Variants in KPNA3 observed in about 807,000 individuals in gnomAD.
KPNA3 encodes importin subunit alpha-4.
KPNA3 carries 13 observed loss-of-function variants against 73.8 expected under a neutral mutation model. That is an observed-to-expected ratio of 0.18 (90% confidence interval 0.11 to 0.28). The LOEUF is 0.28. Among genes scored for constraint, KPNA3 ranks in the 10% least tolerant of loss-of-function variants. The pLI is 1.00. For missense variants in KPNA3, 360 were observed against 618.1 expected (o/e 0.58, Z 4.43); for synonymous variants, 186 against 206.9 (o/e 0.90, Z 0.87).
chr13:49,754,326 C>T (rs922887297), intron 1 of KPNA3, among the ~76,000 whole-genome samples: 4 of 151,934 alleles, frequency 2.6e-5, no homozygotes, highest in Non-Finnish European at 5.9e-5. Flanking sequence ...AAAAAAACAA[C>T]TAAGTGTATT....
chr13:49,700,059 GC>G lies in KPNA3; in HGVS notation c.*1740del, dbSNP rs1954133567. On this transcript the variant is annotated 3_prime_UTR_variant, in exon 17 of 17. Coordinates refer to ENST00000261667, the MANE Select transcript of KPNA3 (RefSeq NM_002267.4). Reference sequence around the variant, plus strand: ...TTATAAAACCTATAAATAATCAGAGGCCAAACCACTATATTAAAACAGATTC... The same window carrying G: ...TTATAAAACCTATAAATAATCAGAGGCAAACCACTATATTAAAACAGATTC... 6.6e-6 allele frequency: 1 copy of G among 152,484 alleles called. No individual in the cohort carries two copies. The highest frequency in any genetic ancestry group is 2.1e-4 in the South Asian group (1 of 4,814). 9.4% of individuals were successfully genotyped at this position (152,484 alleles called of 1,614,324 possible).
In KPNA3 at chr13:49,786,590, T is replaced by C. The variant is rs187598487; in HGVS notation, c.69+5848A>G. 6.5e-4 allele frequency among the ~76,000 whole-genome samples: 99 copies of C among 152,246 alleles called. 1 individual carries two copies. The East Asian group carries it at 7.9e-3, about 12-fold the overall frequency. On this transcript the variant is annotated intron_variant, in intron 1 of 16. Transcript: ENST00000261667. ...ATATGAAGGAGTCTCACTGAAGAGA[T>C]AGGTTGCCAGAGTGAACCCCAACTC...
At chr13:49,728,031 C>T (rs1054502701) in intron 6 of KPNA3, among the ~76,000 whole-genome samples, 6 of 151,870 alleles carry the variant, frequency 4.0e-5, no homozygotes, top group Non-Finnish European at 7.4e-5. Context: ...GTAAGGAGAT[C>T]GAGACCATCC....
chr13:49,751,580 T>A (rs1417809710), intron 1 of KPNA3, among the ~76,000 whole-genome samples: 1 of 152,160 alleles, frequency 6.6e-6, no homozygotes, highest in Non-Finnish European at 1.5e-5. Context: ...ACAAAAAATG[T>A]CATCAGAATA....
At chr13:49,787,258 C>A (rs541412102) in intron 1 of KPNA3, among the ~76,000 whole-genome samples, 2 of 152,090 alleles carry the variant, frequency 1.3e-5, no homozygotes, top group African/African-American at 4.8e-5. Flanking sequence ...AACCAACTGG[C>A]TCCTTGCTGA....
chr13:49,731,888 A>G (rs1399890075), intron 6 of KPNA3, among the ~76,000 whole-genome samples: 1 of 152,208 alleles, frequency 6.6e-6, no homozygotes, highest in Non-Finnish European at 1.5e-5. Context: ...AAAGTCTGAC[A>G]TTGGACAACT....
At chr13:49,721,389 C>T (rs950487837) in intron 9 of KPNA3, among the ~76,000 whole-genome samples, 4 of 152,140 alleles carry the variant, frequency 2.6e-5, no homozygotes, top group African/African-American at 9.7e-5. Context: ...ATTTTTCTCT[C>T]TGAATTTTTA....
Position 49,699,934 on chromosome 13 carries a change from T to A in KPNA3, c.*1866A>T, listed in dbSNP as rs1016209995. ...TACCATATGAAGCTTTAACTCAAAATTTGGATAAAGAAAAAAAGGCACAAT... is the reference window on the plus strand; with the variant it reads ...TACCATATGAAGCTTTAACTCAAAAATTGGATAAAGAAAAAAAGGCACAAT... On this transcript the variant is annotated 3_prime_UTR_variant, in exon 17 of 17. Coordinates refer to ENST00000261667, the MANE Select transcript of KPNA3 (RefSeq NM_002267.4). 2 of 152,520 alleles carry A rather than the reference T, an allele frequency of 1.3e-5. No individual in the cohort carries two copies. The highest frequency in any genetic ancestry group is 4.8e-5 in the African/African-American group (2 of 41,426). 9.4% of individuals were successfully genotyped at this position (152,520 alleles called of 1,614,324 possible).
At chr13:49,751,337 G>A (rs943649338) in intron 1 of KPNA3, among the ~76,000 whole-genome samples, 14 of 152,086 alleles carry the variant, frequency 9.2e-5, no homozygotes, top group Non-Finnish European at 4.4e-5. Flanking sequence ...AATCAAACAA[G>A]TCAACCAGAA....
At chr13:49,741,279 A>G (rs1954571304) in intron 2 of KPNA3, among the ~76,000 whole-genome samples, 2 of 152,096 alleles carry the variant, frequency 1.3e-5, no homozygotes, top group Admixed American at 6.6e-5. Flanking sequence ...CCTTTTCTCC[A>G]CATCCTCACC....
chr13:49,742,738 A>C (rs936675925), intron 2 of KPNA3, among the ~76,000 whole-genome samples: 2 of 152,116 alleles, frequency 1.3e-5, no homozygotes, highest in Non-Finnish European at 2.9e-5. Flanking sequence ...CAAATCCGTG[A>C]ACATGGGATA....
intron 7 of KPNA3, among the ~76,000 whole-genome samples, chr13:49,724,361 C>T (rs574089580): frequency 1.2e-3 from 177 of 151,044 alleles, no homozygotes; most frequent in African/African-American, 3.9e-3. Flanking sequence ...TGGAGTGCAG[C>T]GGCACGATCT....
At chr13:49,704,234 CAA>C (rs1189846876) in intron 15 of KPNA3, among the ~76,000 whole-genome samples, 2 of 151,932 alleles carry the variant, frequency 1.3e-5, no homozygotes. Context: ...CCAGCCTGAC[CAA>C]CACGGAGAAA....
intron 1 of KPNA3, 57 bp downstream of exon 1, chr13:49,792,381 C>T (rs1955041833): frequency 7.5e-7 from 1 of 1,330,862 alleles, no homozygotes; most frequent in Non-Finnish European, 1.0e-6. Context: ...CCCCGCCCCT[C>T]CCCGCGTCGC....
intron 10 of KPNA3, among the ~76,000 whole-genome samples, chr13:49,715,077 T>C (rs1212767966): frequency 6.6e-6 from 1 of 152,018 alleles, no homozygotes; most frequent in Non-Finnish European, 1.5e-5. Context: ...ATTACATTTT[T>C]TCAGTGTCCT....
At chr13:49,734,819 G>A (rs1332724869) in intron 2 of KPNA3, among the ~76,000 whole-genome samples, 1 of 151,712 alleles carries the variant, frequency 6.6e-6, no homozygotes, top group Non-Finnish European at 1.5e-5. Flanking sequence ...CTCTTCTTGT[G>A]TTTATTCATT....
chr13:49,788,298 A>G (rs1186617054), intron 1 of KPNA3, among the ~76,000 whole-genome samples: 1 of 152,250 alleles, frequency 6.6e-6, no homozygotes, highest in African/African-American at 2.4e-5. Flanking sequence ...CAGTTACCTG[A>G]GCATTTGTTT....
intron 1 of KPNA3, among the ~76,000 whole-genome samples, chr13:49,763,460 T>G (rs1463291434): frequency 6.6e-6 from 1 of 152,174 alleles, no homozygotes; most frequent in Admixed American, 6.5e-5. Context: ...TGGGTTCCTC[T>G]GGACAGAAGC....
In KPNA3 at chr13:49,786,853, G is replaced by C. The variant is rs143294948; in HGVS notation, c.69+5585C>G. On this transcript the variant is annotated intron_variant, in intron 1 of 16. Transcript: ENST00000261667. The stretch of plus-strand genomic sequence containing the variant: ...AGGAAAGTAACACAGAAAGATATGA[G>C]AAAGATCAATCCACAAGATACACTG... Among the ~76,000 whole-genome samples, 6 of 152,306 alleles carry C rather than the reference G, an allele frequency of 3.9e-5. No homozygotes were observed. The East Asian group carries it at 9.6e-4, about 24-fold the overall frequency.
Sources: gnomAD v4.1 joint callset for allele counts (sites outside exome capture counted in the v4.1 genomes callset) on GRCh38, gnomAD v4.1.1 for gene constraint, MANE v1.5 for transcripts, NCBI Gene and HGNC (gene_info 2026-07-23, HGNC 2026-07-21) for gene names.